LEF1: variants seen among roughly 807,000 people sequenced by gnomAD.
LEF1 encodes lymphoid enhancer binding factor 1, also known as lymphoid enhancer-binding factor 1.
In LEF1, 14 loss-of-function variants were observed where a neutral mutation model predicts 51.2. The ratio of observed to expected loss-of-function variants is 0.27; its 90% CI spans 0.18 to 0.43. The LOEUF (loss-of-function observed/expected upper bound fraction) is 0.43, where lower values mean the gene tolerates loss of function less well. LEF1 is among the 20% of genes least tolerant of loss of function. The pLI, the probability that LEF1 is intolerant of heterozygous loss-of-function variation, is 1.00. For missense variants in LEF1, 386 were observed against 512.0 expected (o/e 0.75, Z 2.37); for synonymous variants, 185 against 183.2 (o/e 1.01, Z -0.08).
At chr4:108,125,398 G>T (rs1257863751) in intron 3 of LEF1, among the ~76,000 whole-genome samples, 1 of 152,112 alleles carries the variant, frequency 6.6e-6, no homozygotes, top group African/African-American at 2.4e-5. Context: ...CCTGACCTCA[G>T]GTGATCCGCC....
At chr4:108,149,118 TA>T (rs1744174011) in intron 3 of LEF1, among the ~76,000 whole-genome samples, 1 of 152,316 alleles carries the variant, frequency 6.6e-6, no homozygotes, top group African/African-American at 2.4e-5. Context: ...GCTTACTATG[TA>T]AAAAGTTATC....
intron 4 of LEF1, among the ~76,000 whole-genome samples, chr4:108,086,640 T>C (rs1382316925): frequency 6.6e-6 from 1 of 152,210 alleles, no homozygotes; most frequent in East Asian, 1.9e-4. Context: ...TTAATATATG[T>C]ACTACGGAAA....
At chr4:108,157,175 T>TACACACACACACAC (rs1425931310) in intron 3 of LEF1, among the ~76,000 whole-genome samples, 347 of 57,464 alleles carry the variant, frequency 6.0e-3, no homozygotes, top group Non-Finnish European at 0.01. Context: ...TCTCTATATA[T>TACACACACACACAC]ATATACACAC....
At chr4:108,163,221 G>C (rs1259820456) in intron 3 of LEF1, among the ~76,000 whole-genome samples, 1 of 152,162 alleles carries the variant, frequency 6.6e-6, no homozygotes, top group Non-Finnish European at 1.5e-5. Flanking sequence ...AAGCTATACA[G>C]TCCTTACTTA....
chr4:108,149,119 A>G (rs1166968578), intron 3 of LEF1, among the ~76,000 whole-genome samples: 1 of 152,222 alleles, frequency 6.6e-6, no homozygotes, highest in East Asian at 1.9e-4. Flanking sequence ...CTTACTATGT[A>G]AAAAGTTATC....
intron 3 of LEF1, among the ~76,000 whole-genome samples, chr4:108,150,356 C>T (rs1455466674): frequency 6.6e-6 from 1 of 152,162 alleles, no homozygotes; most frequent in East Asian, 1.9e-4. Flanking sequence ...CTTGGGGACA[C>T]TGGGCCTCTA....
chr4:108,143,288 A>G (rs1743786595), intron 3 of LEF1, among the ~76,000 whole-genome samples: 1 of 152,320 alleles, frequency 6.6e-6, no homozygotes, highest in South Asian at 2.1e-4. Flanking sequence ...AAGGGTACAA[A>G]CTACATGAAT....
At chr4:108,158,740 C>T (rs1370760404) in intron 3 of LEF1, among the ~76,000 whole-genome samples, 2 of 151,970 alleles carry the variant, frequency 1.3e-5, no homozygotes, top group Admixed American at 6.6e-5. Context: ...AAAAACTCAT[C>T]CGCTACAAAA....
Position 108,064,404 on chromosome 4 carries a change from C to G in LEF1, c.1117-20G>C. ...CTTACCCTGGAAGAAGAGAGGTATA[C>G]TGTCATGTCACAGATTGTACCATGA... On this transcript the variant is annotated intron_variant, in intron 9 of 11. Transcript: ENST00000265165. The G allele has an allele frequency of 3.8e-6, 6 of 1,587,260 alleles. No individual in the cohort carries two copies. The highest frequency in any genetic ancestry group is 5.2e-6 in the Non-Finnish European group (6 of 1,156,672).
intron 3 of LEF1, among the ~76,000 whole-genome samples, chr4:108,139,271 G>A (rs910062100): frequency 2.0e-5 from 3 of 152,282 alleles, no homozygotes; most frequent in Non-Finnish European, 2.9e-5. Context: ...ATCAGTGCGT[G>A]GTTGTTTTCC....
intron 4 of LEF1, among the ~76,000 whole-genome samples, chr4:108,084,272 TG>T (rs1162575586): frequency 6.6e-6 from 1 of 152,170 alleles, no homozygotes; most frequent in Non-Finnish European, 1.5e-5. Context: ...TCAATGTGTT[TG>T]GGGGAAAGTG....
intron 11 of LEF1, among the ~76,000 whole-genome samples, chr4:108,052,053 C>T (rs1737032227): frequency 6.6e-6 from 1 of 152,164 alleles, no homozygotes; most frequent in Non-Finnish European, 1.5e-5. Flanking sequence ...GGTTCCTCCC[C>T]AGGCTGTCCT....
intron 3 of LEF1, among the ~76,000 whole-genome samples, chr4:108,097,570 A>G (rs578228643): frequency 6.6e-6 from 1 of 152,196 alleles, no homozygotes; most frequent in African/African-American, 2.4e-5. Flanking sequence ...AAAATAACTA[A>G]AAGAGTGGAA....
At position 108,159,200 on chromosome 4, in the gene LEF1, T is replaced by C. The variant is rs562177449; in HGVS notation, c.414+4368A>G. On this transcript the variant is annotated intron_variant, in intron 3 of 11. Coordinates refer to ENST00000265165, the MANE Select transcript of LEF1 (RefSeq NM_016269.5). ...ATGGGGGAATGGCAAGCGCTTCCAA[T>C]TATTCTGACTATGATCCTGTCCCAA... Among the ~76,000 whole-genome samples the C allele has an allele frequency of 2.0e-5, 3 of 152,292 alleles. No individual in the cohort carries two copies. The South Asian group carries it at 6.2e-4, about 32-fold the overall frequency.
intron 3 of LEF1, among the ~76,000 whole-genome samples, chr4:108,140,486 C>T (rs746008348): frequency 1.3e-5 from 2 of 152,062 alleles, no homozygotes; most frequent in Non-Finnish European, 2.9e-5. Flanking sequence ...TTTGTTTTGA[C>T]TTATTGTTTG....
chr4:108,124,761 T>C (rs989566865), intron 3 of LEF1, among the ~76,000 whole-genome samples: 6 of 152,242 alleles, frequency 3.9e-5, no homozygotes, highest in African/African-American at 9.6e-5. Flanking sequence ...ATAAAAGTTA[T>C]GAAAACACTT....
intron 5 of LEF1, chr4:108,083,110 A>AC (rs1232525820): frequency 2.0e-6 from 1 of 504,468 alleles, no homozygotes; most frequent in Non-Finnish European, 3.5e-6. Context: ...AATCCATAAA[A>AC]CTATAAGCTT....
chr4:108,121,446 T>C (rs1299791563), intron 3 of LEF1, among the ~76,000 whole-genome samples: 1 of 152,224 alleles, frequency 6.6e-6, no homozygotes, highest in African/African-American at 2.4e-5. Context: ...ATGCTGCTGC[T>C]ACTGATATAC....
intron 3 of LEF1, among the ~76,000 whole-genome samples, chr4:108,143,497 G>T (rs1008139701): frequency 3.3e-5 from 5 of 151,920 alleles, no homozygotes; most frequent in Non-Finnish European, 7.4e-5. Flanking sequence ...ATATCCCAAG[G>T]CCCCCTTCTA....
Sources: allele counts gnomAD v4.1 joint callset (sites outside exome capture counted in the v4.1 genomes callset), GRCh38; gene constraint gnomAD v4.1.1; transcripts MANE v1.5; gene names NCBI Gene and HGNC (gene_info 2026-07-23, HGNC 2026-07-21).